Variants in ATXN8OS observed in about 807,000 individuals in gnomAD.
The protein encoded by ATXN8OS is ATXN8 opposite strand (non-protein coding).
intron 4 of ATXN8OS, among the ~76,000 whole-genome samples, chr13:70,156,620 A>G (rs927063255): frequency 1.3e-5 from 2 of 152,112 alleles, no homozygotes; most frequent in East Asian, 3.9e-4. Flanking sequence ...TTTTTTGAAA[A>G]CTTGAGCCAG....
At chr13:70,139,515 C>T (rs982390743) in intron 3 of ATXN8OS, 17 of 520,028 alleles carry the variant, frequency 3.3e-5, no homozygotes, top group Non-Finnish European at 5.8e-5. Context: ...CTGCTTATCT[C>T]TTACTTAAGA....
chr13:70,124,191 G>T (rs536056006), intron 2 of ATXN8OS, among the ~76,000 whole-genome samples: 1 of 152,052 alleles, frequency 6.6e-6, no homozygotes, highest in East Asian at 1.9e-4. Context: ...AGCAAATATT[G>T]GTGGGCGGTC....
intron 3 of ATXN8OS, among the ~76,000 whole-genome samples, chr13:70,134,225 A>G (rs1419603149): frequency 6.6e-6 from 1 of 152,212 alleles, no homozygotes; most frequent in Non-Finnish European, 1.5e-5. Context: ...CAAAACATAG[A>G]AGACATACTT....
chr13:70,110,576 G>A (rs1215692166), intron 1 of ATXN8OS, among the ~76,000 whole-genome samples: 1 of 151,744 alleles, frequency 6.6e-6, no homozygotes, highest in Non-Finnish European at 1.5e-5. Flanking sequence ...AAAGAAAGAG[G>A]GAGAGACTGC....
chr13:70,114,566 A>T (rs951165766), intron 1 of ATXN8OS, among the ~76,000 whole-genome samples: 1 of 152,058 alleles, frequency 6.6e-6, no homozygotes, highest in Non-Finnish European at 1.5e-5. Flanking sequence ...ACATTCTTTA[A>T]ATTTCTTCAC....
intron 3 of ATXN8OS, among the ~76,000 whole-genome samples, chr13:70,138,537 T>C (rs916777270): frequency 3.9e-5 from 6 of 152,266 alleles, no homozygotes; most frequent in African/African-American, 1.4e-4. Flanking sequence ...GTGTCTCAGT[T>C]CTAGGTGCTA....
chr13:70,112,568 A>G (rs1290005836), intron 1 of ATXN8OS, among the ~76,000 whole-genome samples: 1 of 152,118 alleles, frequency 6.6e-6, no homozygotes, highest in Admixed American at 6.6e-5. Flanking sequence ...TTAAGTGTCA[A>G]TTAAGTGACT....
At chr13:70,127,868 C>A (rs371859546) in intron 2 of ATXN8OS, among the ~76,000 whole-genome samples, 37 of 151,996 alleles carry the variant, frequency 2.4e-4, no homozygotes, top group Admixed American at 2.4e-3. Context: ...AATTTATTCA[C>A]CTGTTTACTT....
intron 1 of ATXN8OS, among the ~76,000 whole-genome samples, chr13:70,111,922 CA>C (rs1888203214): frequency 1.3e-5 from 2 of 152,234 alleles, no homozygotes; most frequent in African/African-American, 4.8e-5. Flanking sequence ...TATTTATATA[CA>C]TTTTATTAGT....
chr13:70,129,857 G>A (rs1394964283), exon 3 of ATXN8OS: 1 of 398,370 alleles, frequency 2.5e-6, no homozygotes, highest in African/African-American at 2.1e-5. Context: ...GTTGAGAAGA[G>A]AATGGCTCAG....
intron 3 of ATXN8OS, among the ~76,000 whole-genome samples, chr13:70,143,609 G>T (rs190259625): frequency 8.9e-4 from 135 of 152,260 alleles, no homozygotes; most frequent in African/African-American, 3.0e-3. Flanking sequence ...GTGTGTACCT[G>T]TGCTTAATTA....
intron 3 of ATXN8OS, among the ~76,000 whole-genome samples, chr13:70,130,131 G>C (rs1386659869): frequency 2.6e-5 from 4 of 152,126 alleles, no homozygotes; most frequent in African/African-American, 9.7e-5. Flanking sequence ...ATCTTGTGAT[G>C]AAAGAAAATG....
At chr13:70,141,008 C>A (rs1397374938) in intron 3 of ATXN8OS, among the ~76,000 whole-genome samples, 1 of 152,058 alleles carries the variant, frequency 6.6e-6, no homozygotes, top group Admixed American at 6.6e-5. Context: ...ATAGTTGAAC[C>A]ATTTACTTGT....
intron 4 of ATXN8OS, among the ~76,000 whole-genome samples, chr13:70,157,281 A>T (rs966376189): frequency 2.6e-5 from 4 of 152,174 alleles, no homozygotes; most frequent in Admixed American, 1.3e-4. Flanking sequence ...CTCAAGAAAC[A>T]GTTTTGACAA....
At chr13:70,110,833 T>A (rs1888190256) in intron 1 of ATXN8OS, among the ~76,000 whole-genome samples, 1 of 152,150 alleles carries the variant, frequency 6.6e-6, no homozygotes, top group Admixed American at 6.5e-5. Flanking sequence ...AAGAGGACTG[T>A]TTAACCAGCC....
At chr13:70,169,103 A>G (rs999087903) in intron 4 of ATXN8OS, among the ~76,000 whole-genome samples, 1 of 152,128 alleles carries the variant, frequency 6.6e-6, no homozygotes, top group Non-Finnish European at 1.5e-5. Context: ...ATGGATTATC[A>G]TATACATAAG....
At chr13:70,159,436 G>C (rs1888976634) in intron 4 of ATXN8OS, among the ~76,000 whole-genome samples, 1 of 151,946 alleles carries the variant, frequency 6.6e-6, no homozygotes, top group Non-Finnish European at 1.5e-5. Context: ...CTCATTAGCA[G>C]GGGATGTTTT....
intron 4 of ATXN8OS, among the ~76,000 whole-genome samples, chr13:70,168,161 G>C (rs371710567): frequency 6.6e-6 from 1 of 152,130 alleles, no homozygotes; most frequent in African/African-American, 2.4e-5. Flanking sequence ...ATTTCCCAAG[G>C]CTTGAGAACA....
intron 4 of ATXN8OS, among the ~76,000 whole-genome samples, chr13:70,169,314 T>G (rs1181673526): frequency 4.6e-5 from 7 of 152,150 alleles, no homozygotes; most frequent in Non-Finnish European, 7.4e-5. Context: ...GTTTGTTTTT[T>G]GAGACTGAGT....
Sources: allele counts gnomAD v4.1 joint callset (sites outside exome capture counted in the v4.1 genomes callset), GRCh38; gene constraint gnomAD v4.1.1; transcripts MANE v1.5; gene names NCBI Gene and HGNC (gene_info 2026-07-23, HGNC 2026-07-21).